The following VSTM5 variants were observed in gnomAD, a reference collection of about 807,000 sequenced individuals.
VSTM5 encodes the protein V-set and transmembrane domain containing 5.
A neutral mutation model predicts 20.3 loss-of-function variants in VSTM5; 21 were observed. The observed-to-expected ratio is 1.03, with a 90% CI of 0.73 to 1.49. The LOEUF (loss-of-function observed/expected upper bound fraction) is 1.49, where lower values mean the gene tolerates loss of function less well. Ranked by LOEUF, VSTM5 falls within the 40% of genes most tolerant of loss-of-function variation. The probability of loss-of-function intolerance (pLI) is 0.00; values close to 1 mark genes in which losing one functional copy is unlikely to be tolerated. For synonymous variants in VSTM5, 100 were observed against 102.5 expected (o/e 0.98, Z 0.14); for missense variants, 219 against 250.0 (o/e 0.88, Z 0.84).
intron 1 of VSTM5, among the ~76,000 whole-genome samples, chr11:93,826,871 T>C (rs562057854): frequency 1.3e-5 from 2 of 152,204 alleles, no homozygotes; most frequent in South Asian, 2.1e-4. Context: ...TTAATTTCTA[T>C]GTATGTGAGA....
chr11:93,821,163 C>A lies in VSTM5; in HGVS notation c.252G>T (p.Gly84=), dbSNP rs1944182095. 6.4e-7 allele frequency: 1 copy of A among 1,552,022 alleles called. No homozygotes were observed. The highest frequency in any genetic ancestry group is 8.7e-7 in the Non-Finnish European group (1 of 1,147,096). ...GTQKIVEWKP[G]TQANISQSHK... ...GGCTTTGAGAGATGTTGGCCTGAGT[C>A]CCTGGTTTCCACTCCACGATCTTCT... The change falls in exon 2 of 4, where the codon GGG becomes GGT. Residue 84 remains glycine, a synonymous_variant. Coordinates refer to ENST00000409977, the MANE Select transcript of VSTM5 (RefSeq NM_001144871.2).
At position 93,820,855 on chromosome 11, in the gene VSTM5, G is replaced by A. The variant is rs957789538; in HGVS notation, c.447C>T (p.Val149=). 3.2e-6 allele frequency: 5 copies of A among 1,550,576 alleles called. No individual in the cohort carries two copies. The highest frequency in any genetic ancestry group is 1.7e-4 in the Middle Eastern group (1 of 5,992). The change falls in exon 3 of 4, where the codon GTC becomes GTT. Residue 149 remains valine, a synonymous_variant. Coordinates refer to ENST00000409977, the MANE Select transcript of VSTM5 (RefSeq NM_001144871.2). ...SEILYEDLHF[V]AVILAFLAAV... Reference sequence around the variant, plus strand: ...CAGCGAGAAAAGCAAGGATGACAGCGACAAAGTGCAGGTCTTCATAGAGGA... The same window carrying A: ...CAGCGAGAAAAGCAAGGATGACAGCAACAAAGTGCAGGTCTTCATAGAGGA...
At chr11:93,822,754 G>A (rs1944199571) in intron 1 of VSTM5, among the ~76,000 whole-genome samples, 1 of 152,126 alleles carries the variant, frequency 6.6e-6, no homozygotes, top group African/African-American at 2.4e-5. Context: ...CTCCCATAAT[G>A]TTGGGATTAC....
At chr11:93,832,128 T>G (rs994636862) in intron 1 of VSTM5, among the ~76,000 whole-genome samples, 1 of 152,214 alleles carries the variant, frequency 6.6e-6, no homozygotes, top group African/African-American at 2.4e-5. Context: ...TACAGTCAAT[T>G]GTAGCAGCAA....
chr11:93,830,158 C>T lies in VSTM5; in HGVS notation c.92-8835G>A, dbSNP rs948937897. 1.2e-4 allele frequency among the ~76,000 whole-genome samples: 19 copies of T among 152,060 alleles called. No individual in the cohort carries two copies. In the East Asian group the frequency reaches 3.7e-3, roughly 29 times the overall value. ...GACAGAGTGTGGGGCAGGGTGGGGGCAGGGCAGAGGCAGAACAGGACCCAC... is the reference window on the plus strand; with the variant it reads ...GACAGAGTGTGGGGCAGGGTGGGGGTAGGGCAGAGGCAGAACAGGACCCAC... On this transcript the variant is annotated intron_variant, in intron 1 of 3. Coordinates refer to ENST00000409977, the MANE Select transcript of VSTM5 (RefSeq NM_001144871.2).
intron 1 of VSTM5, among the ~76,000 whole-genome samples, chr11:93,829,559 G>A (rs2135732744): frequency 6.6e-6 from 1 of 152,242 alleles, no homozygotes; most frequent in East Asian, 1.9e-4. Context: ...ATATTGAAGA[G>A]CAGAGAGAAA....
intron 1 of VSTM5, among the ~76,000 whole-genome samples, chr11:93,838,664 G>C (rs1364424910): frequency 6.7e-6 from 1 of 149,466 alleles, no homozygotes; most frequent in South Asian, 2.1e-4. Context: ...TGGGTGTGGC[G>C]CTGGCGCCTG....
At chr11:93,839,669 C>G (rs574019083) in intron 1 of VSTM5, among the ~76,000 whole-genome samples, 1 of 152,106 alleles carries the variant, frequency 6.6e-6, no homozygotes, top group Non-Finnish European at 1.5e-5. Flanking sequence ...TGGGTGGGAA[C>G]TGCAGGCTAC....
intron 1 of VSTM5, among the ~76,000 whole-genome samples, chr11:93,823,697 TG>T (rs1012219180): frequency 2.0e-5 from 3 of 152,214 alleles, no homozygotes; most frequent in African/African-American, 7.2e-5. Context: ...GGTTAATCCA[TG>T]TTGTCACAAA....
intron 1 of VSTM5, among the ~76,000 whole-genome samples, chr11:93,835,012 C>T (rs1944312776): frequency 6.6e-6 from 1 of 152,104 alleles, no homozygotes; most frequent in Non-Finnish European, 1.5e-5. Context: ...CAATGAGCCT[C>T]CTCACCACAC....
chr11:93,842,178 C>T (rs75308999), intron 1 of VSTM5, among the ~76,000 whole-genome samples: 2,121 of 152,226 alleles, frequency 0.014, 49 homozygotes, highest in East Asian at 0.06. Context: ...GATGCACAGG[C>T]TTTTTTGGTA....
At chr11:93,840,187 A>G (rs1397201554) in intron 1 of VSTM5, among the ~76,000 whole-genome samples, 1 of 152,202 alleles carries the variant, frequency 6.6e-6, no homozygotes, top group African/African-American at 2.4e-5. Context: ...TGTGGCTTTT[A>G]TTTCCAGAAA....
intron 1 of VSTM5, among the ~76,000 whole-genome samples, chr11:93,840,715 A>G (rs1013182340): frequency 6.6e-6 from 1 of 152,166 alleles, no homozygotes; most frequent in Admixed American, 6.5e-5. Flanking sequence ...ATTTGGCTCC[A>G]TTAGAATCAC....
chr11:93,823,498 T>G (rs1591396547), intron 1 of VSTM5, among the ~76,000 whole-genome samples: 2 of 152,348 alleles, frequency 1.3e-5, no homozygotes, highest in Admixed American at 1.3e-4. Flanking sequence ...GTTCATCTTA[T>G]AACTCAAAGT....
intron 1 of VSTM5, among the ~76,000 whole-genome samples, chr11:93,841,147 G>A (rs985934704): frequency 2.6e-5 from 4 of 152,208 alleles, no homozygotes; most frequent in Admixed American, 6.5e-5. Flanking sequence ...CTCTGGCCAA[G>A]CATGGGTCAT....
chr11:93,843,458 C>CAGAA (rs1944387571), intron 1 of VSTM5, among the ~76,000 whole-genome samples: 1 of 151,758 alleles, frequency 6.6e-6, no homozygotes, highest in African/African-American at 2.4e-5. Context: ...TCATATGTAC[C>CAGAA]TGAATGAATG....
intron 1 of VSTM5, among the ~76,000 whole-genome samples, chr11:93,849,786 G>A (rs995630396): frequency 3.3e-5 from 5 of 152,218 alleles, no homozygotes; most frequent in African/African-American, 1.2e-4. Flanking sequence ...ACCAGGCTGG[G>A]GATTCCGGGT....
At chr11:93,837,808 T>A (rs1346511629) in intron 1 of VSTM5, among the ~76,000 whole-genome samples, 1 of 152,158 alleles carries the variant, frequency 6.6e-6, no homozygotes, top group Non-Finnish European at 1.5e-5. Context: ...AGATAATACA[T>A]GGTGTGCCTC....
intron 1 of VSTM5, among the ~76,000 whole-genome samples, chr11:93,841,473 T>TC (rs1285235991): frequency 6.6e-6 from 1 of 152,212 alleles, no homozygotes; most frequent in Non-Finnish European, 1.5e-5. Flanking sequence ...AGGTGATGCT[T>TC]CCTTCACCCT....
Sources: allele counts gnomAD v4.1 joint callset (sites outside exome capture counted in the v4.1 genomes callset), GRCh38; gene constraint gnomAD v4.1.1; transcripts MANE v1.5; gene names NCBI Gene and HGNC (gene_info 2026-07-23, HGNC 2026-07-21).